The following LTBP1 variants were observed in gnomAD, a reference collection of about 807,000 sequenced individuals.
The protein encoded by LTBP1 is latent-transforming growth factor beta-binding protein 1.
LTBP1 carries 129 observed loss-of-function variants against 207.6 expected under a neutral mutation model. The ratio of observed to expected loss-of-function variants is 0.62; its 90% CI spans 0.54 to 0.72. The LOEUF is 0.72. Ranked by LOEUF, LTBP1 falls within the 30% of genes least tolerant of loss-of-function variation. The pLI is 0.00. For missense variants in LTBP1, 2,281 were observed against 2,217.2 expected (o/e 1.03, Z -0.58); for synonymous variants, 963 against 833.7 (o/e 1.16, Z -2.67).
intron 4 of LTBP1, among the ~76,000 whole-genome samples, chr2:33,132,527 C>G (rs1268831464): frequency 6.6e-6 from 1 of 152,180 alleles, no homozygotes; most frequent in Non-Finnish European, 1.5e-5. Flanking sequence ...CGCCTACAAT[C>G]CTAATATAGT....
intron 5 of LTBP1, among the ~76,000 whole-genome samples, chr2:33,159,379 T>G (rs2084267181): frequency 6.6e-6 from 1 of 152,198 alleles, no homozygotes; most frequent in Non-Finnish European, 1.5e-5. Flanking sequence ...GTTTGAGTTA[T>G]CAAAAAGCTG....
intron 5 of LTBP1, among the ~76,000 whole-genome samples, chr2:33,155,291 CCCGA>C (rs200389320): frequency 0.015 from 2,284 of 152,230 alleles, 23 homozygotes; most frequent in East Asian, 0.027. Context: ...CTCTCGAACT[CCCGA>C]CCGACCTCAT....
At chr2:33,137,358 T>C (rs188675093) in intron 5 of LTBP1, among the ~76,000 whole-genome samples, 6 of 152,364 alleles carry the variant, frequency 3.9e-5, no homozygotes, top group Admixed American at 2.0e-4. Flanking sequence ...AGCTACTCCC[T>C]TTGATCTCTA....
intron 2 of LTBP1, among the ~76,000 whole-genome samples, chr2:32,950,513 C>T (rs905603463): frequency 2.7e-5 from 4 of 148,492 alleles, no homozygotes; most frequent in African/African-American, 5.0e-5. Flanking sequence ...GAGCCGAGAT[C>T]GCTCCACTGC....
Position 32,947,280 on chromosome 2 carries a change from G to A in LTBP1, c.-45G>A, listed in dbSNP as rs1572759162. On this transcript the variant is annotated 5_prime_UTR_variant, in exon 1 of 34. Coordinates refer to ENST00000404816, the MANE Select transcript of LTBP1 (RefSeq NM_206943.4). ...AAAGGCGAGCCGCACGGCCGGGGGA[G>A]GGGGCCGGACCGCGCGCGACCGGTC... 1 of 1,203,160 alleles carries A rather than the reference G, an allele frequency of 8.3e-7. No homozygotes were observed. The highest frequency in any genetic ancestry group is 1.0e-6 in the Non-Finnish European group (1 of 967,990). The allele number at this position is 1,203,160 out of a possible 1,614,324, so 74.5% of individuals were successfully genotyped here.
At position 33,181,749 on chromosome 2, in the gene LTBP1, G is replaced by C. The variant is rs143347356; in HGVS notation, c.1202-5107G>C. 2.1e-3 allele frequency among the ~76,000 whole-genome samples: 325 copies of C among 152,266 alleles called. 3 individuals are homozygous for C. The East Asian group carries it at 0.029, about 13-fold the overall frequency. ...TGCCCCATGGCTAGCCTTGTAACCA[G>C]CGTACCACAAGCATCTCAAGTCAAC... On this transcript the variant is annotated intron_variant, in intron 5 of 33. Coordinates refer to ENST00000404816, the MANE Select transcript of LTBP1 (RefSeq NM_206943.4).
intron 5 of LTBP1, among the ~76,000 whole-genome samples, chr2:33,180,264 C>T (rs761876097): frequency 6.6e-6 from 1 of 152,128 alleles, no homozygotes; most frequent in Non-Finnish European, 1.5e-5. Flanking sequence ...CTCCACATTC[C>T]ATAGGGACAA....
At chr2:33,183,380 A>G (rs1021597140) in intron 5 of LTBP1, among the ~76,000 whole-genome samples, 1 of 152,236 alleles carries the variant, frequency 6.6e-6, no homozygotes, top group African/African-American at 2.4e-5. Context: ...CCTGAACTGA[A>G]TACCAGATGT....
intron 7 of LTBP1, among the ~76,000 whole-genome samples, chr2:33,200,725 C>A (rs2089142669): frequency 6.6e-6 from 1 of 152,098 alleles, no homozygotes; most frequent in Non-Finnish European, 1.5e-5. Flanking sequence ...GCAACCTACT[C>A]ATCTGACAAA....
At chr2:33,374,524 G>T (rs750698714) in intron 31 of LTBP1, among the ~76,000 whole-genome samples, 1 of 152,200 alleles carries the variant, frequency 6.6e-6, no homozygotes, top group Non-Finnish European at 1.5e-5. Context: ...TCGAGTGGCC[G>T]TCATGCGGGC....
At chr2:33,248,026 A>G (rs1243080961) in intron 10 of LTBP1, among the ~76,000 whole-genome samples, 1 of 152,140 alleles carries the variant, frequency 6.6e-6, no homozygotes, top group African/African-American at 2.4e-5. Context: ...TTTAGTCTTC[A>G]TAATTTATCT....
chr2:33,107,110 A>G (rs143721855), intron 3 of LTBP1, among the ~76,000 whole-genome samples: 1 of 152,242 alleles, frequency 6.6e-6, no homozygotes, highest in African/African-American at 2.4e-5. Flanking sequence ...CATGAAATAC[A>G]TGTAGTGGCT....
At chr2:33,358,452 A>T (rs1244093822) in intron 26 of LTBP1, among the ~76,000 whole-genome samples, 2 of 151,546 alleles carry the variant, frequency 1.3e-5, no homozygotes, top group Non-Finnish European at 2.9e-5. Flanking sequence ...TTCAAATTTT[A>T]AATTTATATA....
chr2:33,255,545 C>T (rs11124311), intron 11 of LTBP1, among the ~76,000 whole-genome samples: 69,978 of 151,816 alleles, frequency 0.46, 17,105 homozygotes, highest in East Asian at 0.89. Context: ...ATGTTTATTG[C>T]GGCATTATTC....
chr2:33,354,812 T>C (rs1025213552), intron 26 of LTBP1, among the ~76,000 whole-genome samples: 4 of 151,912 alleles, frequency 2.6e-5, no homozygotes, highest in Admixed American at 2.6e-4. Flanking sequence ...ACGATCATGG[T>C]TCACTGCAGC....
At chr2:33,144,386 T>C (rs2150842619) in intron 5 of LTBP1, among the ~76,000 whole-genome samples, 1 of 152,316 alleles carries the variant, frequency 6.6e-6, no homozygotes, top group Middle Eastern at 3.4e-3. Context: ...TGTAGCACCA[T>C]GTCCTCTCTG....
At chr2:33,082,153 G>A (rs1291374058) in intron 3 of LTBP1, among the ~76,000 whole-genome samples, 2 of 152,040 alleles carry the variant, frequency 1.3e-5, no homozygotes, top group Admixed American at 6.6e-5. Context: ...TGCAGGAGTG[G>A]GTTCCTCTTA....
intron 10 of LTBP1, among the ~76,000 whole-genome samples, chr2:33,248,822 C>T (rs983339655): frequency 8.6e-5 from 13 of 151,978 alleles, no homozygotes; most frequent in African/African-American, 1.4e-4. Context: ...CCTAACCTCA[C>T]GTGATCCGCC....
At chr2:33,268,380 G>T (rs770820758) in intron 15 of LTBP1, among the ~76,000 whole-genome samples, 1 of 152,138 alleles carries the variant, frequency 6.6e-6, no homozygotes, top group Non-Finnish European at 1.5e-5. Flanking sequence ...AGAACAATAC[G>T]TAAGAGTCTA....
Sources: gnomAD v4.1 joint callset for allele counts (sites outside exome capture counted in the v4.1 genomes callset) on GRCh38, gnomAD v4.1.1 for gene constraint, MANE v1.5 for transcripts, NCBI Gene and HGNC (gene_info 2026-07-23, HGNC 2026-07-21) for gene names.